Variants in TRPM3 observed in about 807,000 individuals in gnomAD.
TRPM3 encodes long transient receptor potential channel 3.
A neutral mutation model predicts 181.2 loss-of-function variants in TRPM3; 77 were observed. The ratio of observed to expected loss-of-function variants is 0.42; its 90% CI spans 0.35 to 0.51. The LOEUF (loss-of-function observed/expected upper bound fraction) is 0.51. Ranked by LOEUF, TRPM3 falls within the 20% of genes least tolerant of loss-of-function variation. The pLI is 0.01. For missense variants in TRPM3, 1,759 were observed against 2,196.7 expected, an observed-to-expected ratio of 0.80 and a Z score of 3.98; for synonymous variants, 745 against 796.4, an observed-to-expected ratio of 0.94 and a Z score of 1.09.
chr9:71,376,621 C>T lies in TRPM3; in HGVS notation c.183+70032G>A, dbSNP rs140789016. Among the ~76,000 whole-genome samples the T allele has an allele frequency of 5.4e-3, 815 of 152,048 alleles. 4 individuals are homozygous for T. Among genetic ancestry groups the T allele is most frequent in the Non-Finnish European group, 8.0e-3 (545 of 67,922 alleles). ...CTGGCACATGGTAGGGGTTCAATAA[C>T]TGTTAGCTATTTATCGTCATTATTA... On this transcript the variant is annotated intron_variant, in intron 1 of 24. Transcript: ENST00000357533.
At chr9:70,805,352 G>A (rs533162402) in intron 6 of TRPM3, among the ~76,000 whole-genome samples, 1 of 151,878 alleles carries the variant, frequency 6.6e-6, no homozygotes, top group South Asian at 2.1e-4. Context: ...TGGCTAACAC[G>A]GTGAGACCCC....
At chr9:71,224,758 G>A (rs1487974810) in intron 1 of TRPM3, among the ~76,000 whole-genome samples, 1 of 151,368 alleles carries the variant, frequency 6.6e-6, no homozygotes, top group Non-Finnish European at 1.5e-5. Flanking sequence ...TGCAACTGGA[G>A]ACAGAGCAAG....
chr9:71,187,897 A>T (rs991435457), intron 1 of TRPM3, among the ~76,000 whole-genome samples: 5 of 44,644 alleles, frequency 1.1e-4, no homozygotes, highest in African/African-American at 5.3e-4. Flanking sequence ...GATGATAGAT[A>T]GATAGATAGA....
At chr9:71,212,412 T>C (rs1446707049) in intron 1 of TRPM3, among the ~76,000 whole-genome samples, 1 of 152,130 alleles carries the variant, frequency 6.6e-6, no homozygotes, top group Non-Finnish European at 1.5e-5. Context: ...AGAATCAGTG[T>C]ATTATTGGTG....
intron 6 of TRPM3, among the ~76,000 whole-genome samples, chr9:70,803,474 C>T (rs1224482128): frequency 8.2e-6 from 1 of 121,806 alleles, no homozygotes; most frequent in Non-Finnish European, 1.7e-5. Context: ...TTTTTTGAGA[C>T]GGAGTCTCGC....
intron 1 of TRPM3, among the ~76,000 whole-genome samples, chr9:71,377,925 C>T (rs1038139327): frequency 5.3e-5 from 8 of 151,816 alleles, no homozygotes; most frequent in South Asian, 2.1e-4. Flanking sequence ...TTACTCATTG[C>T]TATGTAGTAT....
intron 1 of TRPM3, among the ~76,000 whole-genome samples, chr9:71,397,477 A>G (rs571617018): frequency 2.0e-5 from 3 of 152,318 alleles, no homozygotes; most frequent in Admixed American, 2.0e-4. Context: ...AATGTTATAT[A>G]CAACATCACA....
chr9:70,811,371 A>G, intron 6 of TRPM3: 1 of 742,978 alleles, frequency 1.3e-6, no homozygotes, highest in Non-Finnish European at 2.3e-6. Context: ...GCACAGTGAA[A>G]CCTATGTAGA....
At chr9:71,315,451 T>C (rs562619949) in intron 1 of TRPM3, among the ~76,000 whole-genome samples, 2 of 152,274 alleles carry the variant, frequency 1.3e-5, no homozygotes. Flanking sequence ...AAATTTCCCA[T>C]GACACGAACT....
At chr9:71,238,636 G>A (rs2081496077) in intron 1 of TRPM3, among the ~76,000 whole-genome samples, 1 of 152,116 alleles carries the variant, frequency 6.6e-6, no homozygotes, top group South Asian at 2.1e-4. Context: ...ATCCTTCAAA[G>A]GCCATTTACT....
At chr9:70,553,551 G>C (rs1390440933) in intron 22 of TRPM3, among the ~76,000 whole-genome samples, 1 of 152,176 alleles carries the variant, frequency 6.6e-6, no homozygotes, top group Non-Finnish European at 1.5e-5. Context: ...CTGACCAGAA[G>C]AGGGGGGTGG....
At chr9:71,223,596 G>C (rs1221650282) in intron 1 of TRPM3, among the ~76,000 whole-genome samples, 2 of 152,216 alleles carry the variant, frequency 1.3e-5, no homozygotes, top group Admixed American at 6.5e-5. Flanking sequence ...CATCAAGCAG[G>C]CTCTTGGGGT....
intron 1 of TRPM3, among the ~76,000 whole-genome samples, chr9:71,283,951 G>A (rs546388229): frequency 2.0e-5 from 3 of 152,216 alleles, no homozygotes; most frequent in East Asian, 1.9e-4. Flanking sequence ...ACTTCCTACC[G>A]CCAGTGGGTT....
intron 1 of TRPM3, among the ~76,000 whole-genome samples, chr9:70,982,599 T>C (rs527952090): frequency 6.6e-6 from 1 of 152,324 alleles, no homozygotes; most frequent in African/African-American, 2.4e-5. Context: ...CAGACCTTAG[T>C]CACCTTTAAG....
At chr9:71,075,986 T>C (rs1565138639) in intron 1 of TRPM3, among the ~76,000 whole-genome samples, 2 of 152,202 alleles carry the variant, frequency 1.3e-5, no homozygotes, top group African/African-American at 4.8e-5. Context: ...TTGATTTTTT[T>C]GTTGTTGTAG....
At position 71,369,007 on chromosome 9, in the gene TRPM3, T is replaced by C. The variant is rs377559108; in HGVS notation, c.183+77646A>G. ...ATGAAAATAAGACATACATGTAGGA[T>C]GCAGAAAATGCCATGCTTAGAAGAT... On this transcript the variant is annotated intron_variant, in intron 1 of 24. Transcript: ENST00000357533. Among the ~76,000 whole-genome samples, 69 of 152,278 alleles carry C rather than the reference T, an allele frequency of 4.5e-4. No individual in the cohort carries two copies. In the East Asian group the frequency reaches 6.9e-3, roughly 15 times the overall value.
intron 1 of TRPM3, among the ~76,000 whole-genome samples, chr9:71,365,342 CTTT>C (rs1471108745): frequency 2.0e-5 from 3 of 152,188 alleles, no homozygotes; most frequent in African/African-American, 4.8e-5. Flanking sequence ...TATTTCTCCA[CTTT>C]TTTATTATTT....
chr9:71,416,212 T>G (rs2093635172), intron 1 of TRPM3, among the ~76,000 whole-genome samples: 1 of 151,878 alleles, frequency 6.6e-6, no homozygotes, highest in Admixed American at 6.6e-5. Context: ...TAAATCAGAA[T>G]AGGTACTTAA....
rs371292628 is a variant in TRPM3 at position 70,536,415 on chromosome 9, C to T, written c.4698G>A (p.Arg1566=). 4 of 1,614,026 alleles carry T rather than the reference C, an allele frequency of 2.5e-6. No homozygotes were observed. The highest frequency in any genetic ancestry group is 2.7e-5 in the African/African-American group (2 of 74,892). ...CAATTGCTTGAGGGGCATTGACACA[C>T]CTTGTGTCAATACAGTCTGTAATAC... The part of the protein sequence containing the change: ...YTSITDCIDT[R]CVNAPQAIAD... Residue 1566 remains arginine (R), a synonymous_variant, in exon 26 of 26, where the codon AGG becomes AGA. Transcript: ENST00000677713.
Sources: gnomAD v4.1 joint callset for allele counts (sites outside exome capture counted in the v4.1 genomes callset) on GRCh38, gnomAD v4.1.1 for gene constraint, MANE v1.5 for transcripts, NCBI Gene and HGNC (gene_info 2026-07-23, HGNC 2026-07-21) for gene names.